The following MAFG variants were observed in gnomAD, a reference collection of about 807,000 sequenced individuals.
The protein encoded by MAFG is transcription factor MafG.
A neutral mutation model predicts 12.2 loss-of-function variants in MAFG; 3 were observed. The observed-to-expected ratio is 0.25, with a 90% CI of 0.11 to 0.64. The LOEUF is 0.64. Ranked by LOEUF, MAFG falls within the 30% of genes least tolerant of loss-of-function variation. The pLI, the probability that MAFG is intolerant of heterozygous loss-of-function variation, is 0.85. For missense variants in MAFG, 153 were observed against 235.5 expected (o/e 0.65, Z 2.29); for synonymous variants, 126 against 109.1 (o/e 1.15, Z -0.96).
chr17:81,922,457 C>A lies in MAFG; in HGVS notation c.*148G>T. 3.3e-6 allele frequency: 2 copies of A among 607,754 alleles called. No individual in the cohort carries two copies. Among genetic ancestry groups the A allele is most frequent in the Non-Finnish European group, 2.6e-6 (1 of 380,434 alleles). The allele number at this position is 607,754 out of a possible 1,614,324, so 37.6% of individuals were successfully genotyped here. On this transcript the variant is annotated 3_prime_UTR_variant, in exon 3 of 3. Transcript: ENST00000357736. ...ATCAAAGGGGCTCAGCCCGGCGCCC[C>A]TGGGGTACAGGTTGTGCTTTGCAGG...
rs1030799217 is a variant in MAFG at position 81,922,102 on chromosome 17, C to G, written c.*503G>C. On this transcript the variant is annotated 3_prime_UTR_variant, in exon 3 of 3. Coordinates refer to ENST00000357736, the MANE Select transcript of MAFG (RefSeq NM_002359.4). ...TGGTCCACCCATCAGGGCCTTCAAG[C>G]CCGCCCTACTCTCAGAGCAGAGCCC... 2 of 152,376 alleles carry G rather than the reference C, an allele frequency of 1.3e-5. No individual in the cohort carries two copies. The highest frequency in any genetic ancestry group is 4.8e-5 in the African/African-American group (2 of 41,430). The allele number at this position is 152,376 out of a possible 1,614,324, so 9.4% of individuals were successfully genotyped here.
chr17:81,921,112 C>A lies in MAFG; in HGVS notation c.*1493G>T, dbSNP rs1174847248. On this transcript the variant is annotated 3_prime_UTR_variant, in exon 3 of 3. Transcript: ENST00000357736. ...GGTGTGGAAGCAGCGTGGGGCGCCC[C>A]AAGGGACCCCAGTTTCACCTACCCC... is the stretch of plus-strand genomic sequence containing the variant. 1 of 152,204 alleles carries A rather than the reference C, an allele frequency of 6.6e-6. No individual in the cohort carries two copies. The highest frequency in any genetic ancestry group is 2.4e-5 in the African/African-American group (1 of 41,392). 9.4% of individuals were successfully genotyped at this position (152,204 alleles called of 1,614,324 possible).
intron 1 of MAFG, chr17:81,923,986 T>G (rs1000573932): frequency 6.6e-6 from 1 of 152,302 alleles, no homozygotes. Context: ...TGGCAGGCCA[T>G]CAGCTGGGAG....
chr17:81,927,931 C>T (rs192355486), upstream of MAFG: 2 of 152,322 alleles, frequency 1.3e-5, no homozygotes, highest in East Asian at 3.9e-4. Flanking sequence ...GCCAGGTCTC[C>T]ACCCCCAGCC....
chr17:81,923,245 G>A, intron 1 of MAFG, 31 bp from the exon 2 acceptor site: 1 of 1,143,424 alleles, frequency 8.7e-7, no homozygotes, highest in Non-Finnish European at 1.2e-6. Context: ...CAGTACCCTG[G>A]AGACCACCCT....
Position 81,927,042 on chromosome 17 carries a change from C to T in MAFG, c.-30+486G>A, listed in dbSNP as rs541745699. Reference sequence around the variant, plus strand: ...AGCCCCAGCCAGGGGCAGGGTCTTCCCCGCAGCACCCCCATCGCCGCCCCT... The same window carrying T: ...AGCCCCAGCCAGGGGCAGGGTCTTCTCCGCAGCACCCCCATCGCCGCCCCT... On this transcript the variant is annotated intron_variant, in intron 1 of 2. Coordinates refer to ENST00000357736, the MANE Select transcript of MAFG (RefSeq NM_002359.4). Among the ~76,000 whole-genome samples, 291 of 151,924 alleles carry T rather than the reference C, an allele frequency of 1.9e-3. 2 individuals carry two copies. Among genetic ancestry groups the T allele is most frequent in the Admixed American group, 3.9e-3 (60 of 15,278 alleles).
Position 81,922,971 on chromosome 17 carries a change from C to T in MAFG, c.123G>A (p.Leu41=), listed in dbSNP as rs2040907033. Residue 41 remains leucine (L), a synonymous_variant, in exon 3 of 3, where the codon CTG becomes CTA. Coordinates refer to ENST00000357736, the MANE Select transcript of MAFG (RefSeq NM_002359.4). The part of the protein sequence containing the change: ...TMSVRELNQH[L]RGLSKEEIVQ... ...CGATCTCCTCCTTGGACAGGCCCCG[C>T]AGGTGCTGGTTCAGCTCCCGCACCG... 2 of 1,600,130 alleles carry T rather than the reference C, an allele frequency of 1.2e-6. No homozygotes were observed. The highest frequency in any genetic ancestry group is 1.3e-5 in the African/African-American group (1 of 74,820).
upstream of MAFG, chr17:81,930,817 G>A (rs2040979296): frequency 6.6e-6 from 1 of 152,316 alleles, no homozygotes; most frequent in South Asian, 2.1e-4. The surrounding 1 kb of genome is among the most constrained non-coding windows in gnomAD (Gnocchi z 4.1). Flanking sequence ...CAGAGCTGCT[G>A]GTGACAGGAG....
intron 1 of MAFG, among the ~76,000 whole-genome samples, chr17:81,927,214 C>A (rs2040948655): frequency 6.6e-6 from 1 of 151,786 alleles, no homozygotes; most frequent in African/African-American, 2.4e-5. Context: ...CCGTCCAGTG[C>A]CCCTCCCTCC....
chr17:81,923,875 CGA>C (rs1274647332), intron 1 of MAFG, among the ~76,000 whole-genome samples: 1 of 152,242 alleles, frequency 6.6e-6, no homozygotes, highest in Non-Finnish European at 1.5e-5. Flanking sequence ...CAGGGAACCC[CGA>C]GTCTCCCAGC....
Position 81,922,386 on chromosome 17 carries a change from G to A in MAFG, c.*219C>T, listed in dbSNP as rs542869592. On this transcript the variant is annotated 3_prime_UTR_variant, in exon 3 of 3. Transcript: ENST00000357736. ...GTTGGGGCGACCCCACGTCACCGCC[G>A]AACTGACCAATCCCAACATACAAAA... The A allele has an allele frequency of 2.2e-5, 9 of 413,332 alleles. No homozygotes were observed. The highest frequency in any genetic ancestry group is 7.3e-5 in the South Asian group (1 of 13,780). The allele number at this position is 413,332 out of a possible 1,614,324, so 25.6% of individuals were successfully genotyped here.
intron 1 of MAFG, 50 bp from the exon 2 acceptor site, chr17:81,923,264 C>G (rs1478341257): frequency 6.6e-6 from 4 of 605,742 alleles, no homozygotes; most frequent in African/African-American, 3.3e-5. Context: ...CTCGCCGCAC[C>G]CCCCCCCCCC....
Position 81,922,428 on chromosome 17 carries a change from C to G in MAFG, c.*177G>C. On this transcript the variant is annotated 3_prime_UTR_variant, in exon 3 of 3. Transcript: ENST00000357736. ...CATACAAAACACACGACGACAATGA[C>G]GAGATCAAAGGGGCTCAGCCCGGCG... The G allele has an allele frequency of 2.0e-6, 1 of 496,656 alleles. No homozygotes were observed. The highest frequency in any genetic ancestry group is 3.4e-6 in the Non-Finnish European group (1 of 289,908). 30.8% of individuals were successfully genotyped at this position (496,656 alleles called of 1,614,324 possible).
Position 81,919,508 on chromosome 17 carries a change from C to G in MAFG, c.*3097G>C, listed in dbSNP as rs2040866165. The G allele has an allele frequency of 6.6e-6, 1 of 152,308 alleles. No homozygotes were observed. The highest frequency in any genetic ancestry group is 2.4e-5 in the African/African-American group (1 of 41,472). The allele number at this position is 152,308 out of a possible 1,614,324, so 9.4% of individuals were successfully genotyped here. A position where few individuals can be genotyped will look rare whatever the true frequency, so the allele number is the denominator to read the frequency against. On this transcript the variant is annotated 3_prime_UTR_variant, in exon 3 of 3. Coordinates refer to ENST00000357736, the MANE Select transcript of MAFG (RefSeq NM_002359.4). ...TCCCTGCTGGGTATTCCTCTGAAAT[C>G]TGAGCGTCCATGTTAGGATAAAAGA...
intron 2 of MAFG, 33 bp from the exon 3 acceptor site, chr17:81,923,090 C>G (rs540359807): frequency 2.5e-6 from 4 of 1,608,928 alleles, no homozygotes; most frequent in Admixed American, 3.4e-5. Context: ...ACAGGCCAAG[C>G]GGGCACGCCC....
chr17:81,924,584 G>A lies in MAFG; in HGVS notation c.-29-1370C>T, dbSNP rs2040925008. 1 of 152,272 alleles carries A rather than the reference G, an allele frequency of 6.6e-6. No individual in the cohort carries two copies. The highest frequency in any genetic ancestry group is 6.5e-5 in the Admixed American group (1 of 15,288). 9.4% of individuals were successfully genotyped at this position (152,272 alleles called of 1,614,324 possible). On this transcript the variant is annotated intron_variant, in intron 1 of 2. Coordinates refer to ENST00000357736, the MANE Select transcript of MAFG (RefSeq NM_002359.4). The surrounding 1 kb of genome is among the most constrained non-coding windows in gnomAD (Gnocchi z 4.7). ...TCCACCTCACCCAGCCTGGGACCAG[G>A]AGGTGAGGCTGCAAGCACAGAGCAG...
upstream of MAFG, among the ~76,000 whole-genome samples, chr17:81,928,688 C>T (rs1039008652): frequency 3.9e-5 from 6 of 152,222 alleles, no homozygotes; most frequent in Non-Finnish European, 7.3e-5. This position sits in a 1 kb window ranked among gnomAD's most constrained non-coding sequence, Gnocchi z 8.1. Flanking sequence ...TCCCCCTGCT[C>T]TGGACACAGC....
rs749807732 is a variant in MAFG at position 81,920,739 on chromosome 17, T to G, written c.*1866A>C. 6.6e-6 allele frequency: 1 copy of G among 152,602 alleles called. No individual in the cohort carries two copies. The highest frequency in any genetic ancestry group is 2.4e-5 in the African/African-American group (1 of 41,458). 9.5% of individuals were successfully genotyped at this position (152,602 alleles called of 1,614,324 possible). ...AGAAGGCAGGCCCGAAGCCAAGAGC[T>G]GCCAGCGTGGACCAGCGGAGAAGAG... On this transcript the variant is annotated 3_prime_UTR_variant, in exon 3 of 3. Coordinates refer to ENST00000357736, the MANE Select transcript of MAFG (RefSeq NM_002359.4).
chr17:81,925,414 C>T (rs1027546246), intron 1 of MAFG, among the ~76,000 whole-genome samples: 3 of 152,248 alleles, frequency 2.0e-5, no homozygotes, highest in African/African-American at 7.2e-5. Flanking sequence ...CGAAACTCCC[C>T]GGCAGTCATG....
Sources: gnomAD v4.1 joint callset for allele counts (sites outside exome capture counted in the v4.1 genomes callset) on GRCh38, gnomAD v4.1.1 for gene constraint, Gnocchi (gnomAD v3.1) non-coding constraint, MANE v1.5 for transcripts, NCBI Gene and HGNC (gene_info 2026-07-23, HGNC 2026-07-21) for gene names.